TEAD1: variants seen among roughly 807,000 people sequenced by gnomAD.
The protein encoded by TEAD1 is TEA domain transcription factor 1, also known as transcriptional enhancer factor TEF-1.
TEAD1 carries 9 observed loss-of-function variants against 54.9 expected under a neutral mutation model. The ratio of observed to expected loss-of-function variants is 0.16; its 90% CI spans 0.10 to 0.29. The LOEUF is 0.29. TEAD1 is among the 10% of genes least tolerant of loss of function. The pLI is 1.00. For synonymous variants in TEAD1, 200 were observed against 187.8 expected (o/e 1.07, Z -0.53); for missense variants, 387 against 535.9 (o/e 0.72, Z 2.74).
In TEAD1 at chr11:12,837,759, T is replaced by TCTTCTTCTTCCTTCTCTTCCTCTTCTTC. The variant is rs1406658863; in HGVS notation, c.203-24484_203-24457dup. Among the ~76,000 whole-genome samples the TCTTCTTCTTCCTTCTCTTCCTCTTCTTC allele has an allele frequency of 1.8e-5, 2 of 113,854 alleles. 1 individual carries two copies. The highest frequency in any genetic ancestry group is 6.9e-5 in the African/African-American group (2 of 28,936). The allele number at this position is 113,854 out of a possible 152,430, so 74.7% of individuals were successfully genotyped here. A position where few individuals can be genotyped will look rare whatever the true frequency, so the allele number is the denominator to read the frequency against. ...TCCTCCTTCTTCTTCCTCCTCTTCCTCTTCTTCTTCCTTCTCTTCCTCTTC... is the reference window on the plus strand; with the variant it reads ...TCCTCCTTCTTCTTCCTCCTCTTCCTCTTCTTCTTCCTTCTCTTCCTCTTCTTCCTTCTTCTTCCTTCTCTTCCTCTTC... On this transcript the variant is annotated intron_variant, in intron 3 of 12. Transcript: ENST00000527636.
At chr11:12,706,569 G>A (rs1234245999) in intron 2 of TEAD1, among the ~76,000 whole-genome samples, 1 of 152,192 alleles carries the variant, frequency 6.6e-6, no homozygotes, top group Non-Finnish European at 1.5e-5. Context: ...CTCTGACAGA[G>A]GGTGATTTCT....
chr11:12,903,196 T>C (rs984909122), intron 10 of TEAD1, among the ~76,000 whole-genome samples: 4 of 152,176 alleles, frequency 2.6e-5, no homozygotes, highest in African/African-American at 9.7e-5. Flanking sequence ...GGCTCGTAGA[T>C]CACCAGAGAC....
intron 9 of TEAD1, among the ~76,000 whole-genome samples, chr11:12,887,111 T>A (rs75544500): frequency 6.8e-6 from 1 of 147,630 alleles, no homozygotes; most frequent in African/African-American, 2.5e-5. Flanking sequence ...TTTTTTTTTT[T>A]GGAGACACAG....
At chr11:12,746,831 T>C (rs993010701) in intron 2 of TEAD1, among the ~76,000 whole-genome samples, 19 of 152,232 alleles carry the variant, frequency 1.2e-4, no homozygotes, top group Admixed American at 1.0e-3. Context: ...CAGGATGAGC[T>C]GCTGCTGAAG....
At chr11:12,832,918 A>C (rs1422328774) in intron 3 of TEAD1, among the ~76,000 whole-genome samples, 1 of 152,104 alleles carries the variant, frequency 6.6e-6, no homozygotes, top group African/African-American at 2.4e-5. Context: ...GCTTGGCTGT[A>C]ATTCCTCAGG....
chr11:12,913,565 G>A (rs182153047), intron 10 of TEAD1, among the ~76,000 whole-genome samples: 1 of 152,144 alleles, frequency 6.6e-6, no homozygotes, highest in Admixed American at 6.5e-5. Flanking sequence ...ACAGCAATGA[G>A]AATTTGAGGG....
intron 5 of TEAD1, among the ~76,000 whole-genome samples, chr11:12,870,187 GC>G: frequency 6.6e-6 from 1 of 152,094 alleles, no homozygotes; most frequent in Admixed American, 6.5e-5. Context: ...GCCGATTTTT[GC>G]CCAATTATCT....
chr11:12,876,938 C>G (rs993484905), intron 5 of TEAD1, among the ~76,000 whole-genome samples: 2 of 152,206 alleles, frequency 1.3e-5, no homozygotes, highest in Non-Finnish European at 2.9e-5. Context: ...AGTAGATTGC[C>G]TGGCACTGAG....
intron 2 of TEAD1, among the ~76,000 whole-genome samples, chr11:12,752,774 T>C (rs114189746): frequency 0.013 from 2,018 of 152,240 alleles, 39 homozygotes; most frequent in African/African-American, 0.047. Context: ...ACATTTAAAT[T>C]CACAAATGTG....
At chr11:12,689,465 A>G (rs1233308337) in intron 2 of TEAD1, among the ~76,000 whole-genome samples, 3 of 152,210 alleles carry the variant, frequency 2.0e-5, no homozygotes, top group Non-Finnish European at 2.9e-5. Context: ...TGAAATGGAC[A>G]TAGAAGTGCC....
chr11:12,802,712 G>C (rs1382364429), intron 3 of TEAD1, among the ~76,000 whole-genome samples: 1 of 152,142 alleles, frequency 6.6e-6, no homozygotes, highest in African/African-American at 2.4e-5. Flanking sequence ...GACCCGACCG[G>C]GTCTCAGGTA....
At chr11:12,743,586 C>T (rs1413449355) in intron 2 of TEAD1, among the ~76,000 whole-genome samples, 3 of 152,184 alleles carry the variant, frequency 2.0e-5, no homozygotes, top group African/African-American at 7.2e-5. Flanking sequence ...CAGCCCCCTG[C>T]TAGGCATCTT....
intron 11 of TEAD1, among the ~76,000 whole-genome samples, chr11:12,925,725 T>C (rs548983669): frequency 1.3e-5 from 2 of 152,136 alleles, no homozygotes; most frequent in African/African-American, 4.8e-5. Context: ...TGGGTCGAGA[T>C]AGGCCCTGCC....
chr11:12,783,644 A>C (rs1945612665), intron 3 of TEAD1, among the ~76,000 whole-genome samples: 1 of 152,070 alleles, frequency 6.6e-6, no homozygotes, highest in Non-Finnish European at 1.5e-5. Context: ...ATTCCAAGAA[A>C]CCTTCCATGT....
At chr11:12,908,098 G>A (rs1481745834) in intron 10 of TEAD1, among the ~76,000 whole-genome samples, 1 of 152,076 alleles carries the variant, frequency 6.6e-6, no homozygotes, top group Admixed American at 6.5e-5. Flanking sequence ...GAAAAGACTG[G>A]CCTTTCTGGG....
In TEAD1 at chr11:12,772,113, AT is replaced by A. The variant is rs1945324548; in HGVS notation, c.202+7682del. ...CAAGTGAGCAGAGAATGAGGCTAAC[AT>A]TTGAAGCAGTCTTTATGAGGTTTTG... On this transcript the variant is annotated intron_variant, in intron 3 of 12. Transcript: ENST00000527636. Among the ~76,000 whole-genome samples the A allele has an allele frequency of 2.0e-5, 3 of 152,322 alleles. 1 individual carries two copies. The South Asian group carries it at 6.2e-4, about 32-fold the overall frequency.
chr11:12,697,930 G>A (rs1057496432), intron 2 of TEAD1, among the ~76,000 whole-genome samples: 1 of 151,896 alleles, frequency 6.6e-6, no homozygotes, highest in African/African-American at 2.4e-5. Context: ...GACTGAGGTG[G>A]GAGAATCGCT....
chr11:12,916,615 C>G (rs539893509), intron 10 of TEAD1, among the ~76,000 whole-genome samples: 1 of 152,294 alleles, frequency 6.6e-6, no homozygotes, highest in East Asian at 1.9e-4. Context: ...ATCATCTTCC[C>G]TGTGGATAAA....
chr11:12,876,837 T>A (rs1055901814), intron 5 of TEAD1, among the ~76,000 whole-genome samples: 1 of 151,736 alleles, frequency 6.6e-6, no homozygotes, highest in East Asian at 1.9e-4. Context: ...GGGAATGGAG[T>A]TGGTGTGACT....
Sources: allele counts gnomAD v4.1 joint callset (sites outside exome capture counted in the v4.1 genomes callset), GRCh38; gene constraint gnomAD v4.1.1; transcripts MANE v1.5; gene names NCBI Gene and HGNC (gene_info 2026-07-23, HGNC 2026-07-21).